The following PACS2 variants were observed in gnomAD, a reference collection of about 807,000 sequenced individuals.
The protein encoded by PACS2 is PACS1-like protein.
A neutral mutation model predicts 113.0 loss-of-function variants in PACS2; 36 were observed. The observed-to-expected ratio is 0.32, with a 90% CI of 0.24 to 0.42. The LOEUF is 0.42. Ranked by LOEUF, PACS2 falls within the 10% of genes least tolerant of loss-of-function variation. The pLI is 1.00. For missense variants in PACS2, 1,015 were observed against 1,239.5 expected (o/e 0.82, Z 2.72); for synonymous variants, 589 against 536.1 (o/e 1.10, Z -1.36).
At chr14:105,362,149 T>A (rs1309371635) in intron 4 of PACS2, among the ~76,000 whole-genome samples, 1 of 149,736 alleles carries the variant, frequency 6.7e-6, no homozygotes, top group Non-Finnish European at 1.5e-5. Context: ...CCAGGTGTGG[T>A]GGCTCACGCC....
rs2060540799 is a variant in PACS2 at position 105,358,474 on chromosome 14, C to T, written c.423+3297C>T. 6.6e-6 allele frequency among the ~76,000 whole-genome samples: 1 copy of T among 152,190 alleles called. No individual in the cohort carries two copies. The highest frequency in any genetic ancestry group is 2.4e-5 in the African/African-American group (1 of 41,450). On this transcript the variant is annotated intron_variant, in intron 4 of 24. Transcript: ENST00000447393. This position sits in a 1 kb window ranked among gnomAD's most constrained non-coding sequence, Gnocchi z 4.9. The stretch of plus-strand genomic sequence containing the variant: ...GTGGTGTGGCTCTCAGAACTCACCC[C>T]AGCACCCGTAGAGGGAGTGTGTAGG...
In PACS2 at chr14:105,324,451, G is replaced by A. The variant is rs587649033; in HGVS notation, c.119+9414G>A. Among the ~76,000 whole-genome samples, 20 of 152,292 alleles carry A rather than the reference G, an allele frequency of 1.3e-4. No individual in the cohort carries two copies. In the South Asian group the frequency reaches 3.1e-3, roughly 24 times the overall value. On this transcript the variant is annotated intron_variant, in intron 1 of 24. Coordinates refer to ENST00000447393, the MANE Select transcript of PACS2 (RefSeq NM_001100913.3). This position sits in a 1 kb window ranked among gnomAD's most constrained non-coding sequence, Gnocchi z 4.7. ...GAGGGTCTCTGTAGGACAGGCTCCC[G>A]CTGAGGGCAGCCCTGAGGCCTGTGA...
Position 105,366,080 on chromosome 14 carries a change from TGGCTC to T in PACS2, c.424-1132_424-1128del, listed in dbSNP as rs1463302971. Among the ~76,000 whole-genome samples the T allele has an allele frequency of 6.2e-4, 94 of 152,362 alleles. No homozygotes were observed. Among genetic ancestry groups the T allele is most frequent in the South Asian group, 2.1e-4 (1 of 4,828 alleles). On this transcript the variant is annotated intron_variant, in intron 4 of 24. Transcript: ENST00000447393. The surrounding 1 kb of genome is among the most constrained non-coding windows in gnomAD (Gnocchi z 4.3). ...AATAAATCTGGTCGGCTGGGCGTGG[TGGCTC>T]ACGCCTGTAATCCCAGCACTTTGGG... is the stretch of plus-strand genomic sequence containing the variant.
intron 2 of PACS2, among the ~76,000 whole-genome samples, chr14:105,349,126 C>A (rs587601967): frequency 2.8e-4 from 42 of 151,392 alleles, no homozygotes; most frequent in South Asian, 2.7e-3. Context: ...GCCCCGCCCC[C>A]TCCTTGGGGT....
rs1173469487 is a variant in PACS2 at position 105,394,461 on chromosome 14, G to A, written c.2597-93G>A. 41 of 1,578,754 alleles carry A rather than the reference G, an allele frequency of 2.6e-5. No individual in the cohort carries two copies. The Middle Eastern group carries it at 5.1e-4, about 20-fold the overall frequency. On this transcript the variant is annotated intron_variant, in intron 24 of 24. Coordinates refer to ENST00000447393, the MANE Select transcript of PACS2 (RefSeq NM_001100913.3). ...GGGCTCCTTCTCATCCTGTACGCCC[G>A]GCTGCCACCCAGCCTGGTGGGCCAG...
intron 12 of PACS2, among the ~76,000 whole-genome samples, chr14:105,381,543 T>C (rs2080994688): frequency 1.3e-5 from 2 of 152,244 alleles, no homozygotes; most frequent in African/African-American, 4.8e-5. Flanking sequence ...TGGAGCCAGG[T>C]CGCCCTGGCA....
At chr14:105,392,224 G>A in intron 22 of PACS2, 3 of 332,454 alleles carry the variant, frequency 9.0e-6, no homozygotes, top group South Asian at 6.7e-5. Flanking sequence ...GCCAGGCGTG[G>A]TGCTGGTGCT....
intron 4 of PACS2, among the ~76,000 whole-genome samples, chr14:105,362,863 G>T (rs782584151): frequency 4.5e-4 from 69 of 152,150 alleles, no homozygotes; most frequent in Non-Finnish European, 8.5e-4. Context: ...ATAATAATAA[G>T]ACTTGAAAGT....
At chr14:105,332,364 CGGGGGTTTTGCCT>C (rs1285192462) in intron 1 of PACS2, among the ~76,000 whole-genome samples, 3 of 152,178 alleles carry the variant, frequency 2.0e-5, no homozygotes, top group Non-Finnish European at 2.9e-5. Flanking sequence ...ACACGGAGCA[CGGGGGTTTTGCCT>C]GGTGCCCGTG....
At chr14:105,336,843 T>A (rs975019405) in intron 1 of PACS2, among the ~76,000 whole-genome samples, 1 of 152,180 alleles carries the variant, frequency 6.6e-6, no homozygotes, top group Admixed American at 6.5e-5. Context: ...GAGACAGAGT[T>A]ACCGTCAGAG....
rs2060430040 is a variant in PACS2 at position 105,356,002 on chromosome 14, G to A, written c.423+825G>A. On this transcript the variant is annotated intron_variant, in intron 4 of 24. Coordinates refer to ENST00000447393, the MANE Select transcript of PACS2 (RefSeq NM_001100913.3). The surrounding 1 kb of genome is among the most constrained non-coding windows in gnomAD (Gnocchi z 4.0). ...AGTGGTGCTTGGGGCATGTGAAGCT[G>A]GGTTGCTGCCTGCCTGGGGCCTGGG... Among the ~76,000 whole-genome samples the A allele has an allele frequency of 1.3e-5, 2 of 152,180 alleles. No homozygotes were observed. The highest frequency in any genetic ancestry group is 2.1e-4 in the South Asian group (1 of 4,832).
In PACS2 at chr14:105,354,240, G is replaced by C. The variant is rs2060344510; in HGVS notation, c.298-812G>C. On this transcript the variant is annotated intron_variant, in intron 3 of 24. Transcript: ENST00000447393. This position sits in a 1 kb window ranked among gnomAD's most constrained non-coding sequence, Gnocchi z 4.2. The stretch of plus-strand genomic sequence containing the variant: ...GAGGCAGGAGGATTGCTTGAACCCA[G>C]GAGGTGGAGGTGACAGTGAGCCCGG... Among the ~76,000 whole-genome samples, 1 of 152,166 alleles carries C rather than the reference G, an allele frequency of 6.6e-6. No individual in the cohort carries two copies.
intron 1 of PACS2, among the ~76,000 whole-genome samples, chr14:105,341,855 G>A (rs2059738026): frequency 1.3e-5 from 2 of 152,226 alleles, no homozygotes; most frequent in Admixed American, 1.3e-4. Context: ...GGCAGGATCT[G>A]TCTGCTACGG....
chr14:105,337,360 G>A (rs2059568005), intron 1 of PACS2, among the ~76,000 whole-genome samples: 1 of 152,320 alleles, frequency 6.6e-6, no homozygotes, highest in Non-Finnish European at 1.5e-5. Flanking sequence ...GATGGATGGC[G>A]GTGAGGGCTG....
chr14:105,312,222 AGAGGAAAGGCCTCGGCCCATCCT>A (rs1159752764), upstream of PACS2, among the ~76,000 whole-genome samples: 1 of 152,258 alleles, frequency 6.6e-6, no homozygotes, highest in Non-Finnish European at 1.5e-5. Flanking sequence ...CCAGGCGGAC[AGAGGAAAGGCCTCGGCCCATCCT>A]GTCCCATGAC....
chr14:105,385,233 A>G lies in PACS2; in HGVS notation c.2000+246A>G, dbSNP rs28649056. On this transcript the variant is annotated intron_variant, in intron 18 of 24. Transcript: ENST00000447393. ...TCTGTGCATGTTGAAACCCCGCGTG[A>G]TAAGAAGTTGACAGAATGGATAGCT... is the stretch of plus-strand genomic sequence containing the variant. Among the ~76,000 whole-genome samples the G allele has an allele frequency of 0.072, 11,031 of 152,252 alleles. 1,392 individuals are homozygous for G. The highest frequency in any genetic ancestry group is 0.25 in the African/African-American group (10,469 of 41,518).
intron 1 of PACS2, among the ~76,000 whole-genome samples, chr14:105,342,932 T>TAAAA (rs1180529928): frequency 7.9e-6 from 1 of 126,692 alleles, no homozygotes; most frequent in Non-Finnish European, 1.7e-5. Context: ...GACTCTGTCT[T>TAAAA]AAAAAAAAAA....
At chr14:105,312,679 G>C (rs587653778), upstream of PACS2, among the ~76,000 whole-genome samples, 1 of 152,342 alleles carries the variant, frequency 6.6e-6, no homozygotes. Context: ...TTTTCCGACA[G>C]AGGAGGGCAG....
chr14:105,379,809 C>T lies in PACS2; in HGVS notation c.1030C>T (p.His344Tyr). 1 of 1,613,608 alleles carries T rather than the reference C, an allele frequency of 6.2e-7. No homozygotes were observed. Among genetic ancestry groups the T allele is most frequent in the Non-Finnish European group, 8.5e-7 (1 of 1,179,974 alleles). Residue 344 changes from histidine (H) to tyrosine (Y), a missense_variant, in exon 10 of 25, where the codon CAC (histidine) becomes TAC (tyrosine). Physicochemically the swap from His to Tyr is moderately conservative, Grantham distance 83. Coordinates refer to ENST00000447393, the MANE Select transcript of PACS2 (RefSeq NM_001100913.3). Reference protein sequence around the residue: ...EIGSIHSARSHKEPPSPADVP... With the variant: ...EIGSIHSARSYKEPPSPADVP... ...TGGGAGCATCCACAGCGCCCGCAGC[C>T]ACAAGGAGCCCCCAAGCCCGGTGAG...
Sources: gnomAD v4.1 joint callset for allele counts (sites outside exome capture counted in the v4.1 genomes callset) on GRCh38, gnomAD v4.1.1 for gene constraint, Gnocchi (gnomAD v3.1) non-coding constraint, MANE v1.5 for transcripts, NCBI Gene and HGNC (gene_info 2026-07-23, HGNC 2026-07-21) for gene names.